The following RNF125 variants were observed in gnomAD, a reference collection of about 807,000 sequenced individuals.
The protein encoded by RNF125 is ring finger protein 125.
RNF125 carries 21 observed loss-of-function variants against 26.0 expected under a neutral mutation model. The ratio of observed to expected loss-of-function variants is 0.81; its 90% CI spans 0.57 to 1.16. The LOEUF (loss-of-function observed/expected upper bound fraction) is 1.16, where lower values mean the gene tolerates loss of function less well. RNF125 is among the 50% of genes most tolerant of loss of function. RNF125 has a pLI of 0.00. For synonymous variants in RNF125, 95 were observed against 109.2 expected (o/e 0.87, Z 0.81); for missense variants, 270 against 299.4 (o/e 0.90, Z 0.72).
At chr18:32,040,735 G>GTA (rs1248742482) in intron 2 of RNF125, among the ~76,000 whole-genome samples, 1 of 152,182 alleles carries the variant, frequency 6.6e-6, no homozygotes, top group Non-Finnish European at 1.5e-5. Context: ...TCATTTGTCA[G>GTA]TAGATAGTCC....
At chr18:32,064,309 G>A (rs1229089117) in intron 4 of RNF125, among the ~76,000 whole-genome samples, 1 of 151,762 alleles carries the variant, frequency 6.6e-6, no homozygotes, top group African/African-American at 2.4e-5. Context: ...TGAGATTTGG[G>A]CGGGGACAAA....
chr18:32,053,042 A>G (rs1318726743), intron 4 of RNF125, among the ~76,000 whole-genome samples: 1 of 152,218 alleles, frequency 6.6e-6, no homozygotes, highest in Non-Finnish European at 1.5e-5. Flanking sequence ...AGACTTTAGA[A>G]ATGGAATTCA....
At chr18:32,090,252 A>T in the RNF125 span, among the ~76,000 whole-genome samples, 1 of 152,222 alleles carries the variant, frequency 6.6e-6, no homozygotes, top group East Asian at 1.9e-4. Context: ...TCTCAAAAGA[A>T]AAAAGAAAAA....
At chr18:32,048,448 A>AAAC (rs1354802756) in intron 4 of RNF125, among the ~76,000 whole-genome samples, 3 of 122,322 alleles carry the variant, frequency 2.5e-5, no homozygotes, top group Non-Finnish European at 5.5e-5. Context: ...AAAAAAACCC[A>AAAC]AAAAAACCTG....
In RNF125 at chr18:32,048,382, C is replaced by T. The variant is rs424146; in HGVS notation, c.504+2650C>T. On this transcript the variant is annotated intron_variant, in intron 4 of 5. Coordinates refer to ENST00000217740, the MANE Select transcript of RNF125 (RefSeq NM_017831.4). The stretch of plus-strand genomic sequence containing the variant: ...CGGAGGTTGCAGTGAGCTGAGATCA[C>T]GCCATTGCACTCCAGCATGGGCAAC... 2.9e-3 allele frequency among the ~76,000 whole-genome samples: 437 copies of T among 151,476 alleles called. 2 individuals are homozygous for T. Among genetic ancestry groups the T allele is most frequent in the Middle Eastern group, 0.014 (4 of 294 alleles).
At chr18:32,042,726 C>G (rs2039232681) in intron 3 of RNF125, among the ~76,000 whole-genome samples, 1 of 150,452 alleles carries the variant, frequency 6.6e-6, no homozygotes. Flanking sequence ...TACAAGAGAA[C>G]AGGCTGGGCA....
intron 2 of RNF125, among the ~76,000 whole-genome samples, chr18:32,040,150 T>G (rs2039201583): frequency 6.6e-6 from 1 of 152,080 alleles, no homozygotes; most frequent in Non-Finnish European, 1.5e-5. Context: ...CCCCATTCCT[T>G]CTACGCACAT....
At chr18:32,033,319 A>G (rs542763874) in intron 1 of RNF125, among the ~76,000 whole-genome samples, 1 of 152,246 alleles carries the variant, frequency 6.6e-6, no homozygotes, top group African/African-American at 2.4e-5. Context: ...CAAAACTAGA[A>G]GGGAACACCA....
chr18:32,079,667 G>A, the RNF125 span, among the ~76,000 whole-genome samples: 2 of 152,162 alleles, frequency 1.3e-5, no homozygotes, highest in East Asian at 1.9e-4. Flanking sequence ...GCTTACACAA[G>A]ATGTTCTTAA....
intron 4 of RNF125, among the ~76,000 whole-genome samples, chr18:32,048,282 C>T (rs411794): frequency 0.4 from 59,901 of 147,980 alleles, 12,092 homozygotes; most frequent in South Asian, 0.44. Flanking sequence ...AAAAATTAGC[C>T]GGGTGTGGTG....
chr18:32,025,664 C>CAAAA (rs34054474), intron 1 of RNF125, among the ~76,000 whole-genome samples: 10 of 65,148 alleles, frequency 1.5e-4, no homozygotes, highest in Non-Finnish European at 2.6e-4. Context: ...AACTCTGTCT[C>CAAAA]AAAAAAAAAA....
At chr18:32,037,935 C>G (rs754506882) in intron 2 of RNF125, among the ~76,000 whole-genome samples, 1 of 152,068 alleles carries the variant, frequency 6.6e-6, no homozygotes, top group Non-Finnish European at 1.5e-5. Context: ...AGCTGGCCAC[C>G]CCAGCTAGCA....
rs1323313173 is a variant in RNF125, at chr18:32,018,978, G to A, written c.115G>A (p.Val39Met). ...ELPVTSFDCAVCLEVLHQPVR... is the reference protein window; with the variant it reads ...ELPVTSFDCAMCLEVLHQPVR... Reference sequence around the variant, plus strand: ...GCCCGTCACGTCCTTCGACTGCGCCGTGTGCCTTGAGGTGTTACACCAGCC... The same window carrying A: ...GCCCGTCACGTCCTTCGACTGCGCCATGTGCCTTGAGGTGTTACACCAGCC... Residue 39 changes from valine (V) to methionine (M), a missense_variant, in exon 1 of 6, where the codon GTG becomes ATG. Physicochemically the swap from Val to Met is conservative, Grantham distance 21 (BLOSUM62 1). Transcript: ENST00000217740. 6.8e-6 allele frequency: 11 copies of A among 1,613,576 alleles called. No individual in the cohort carries two copies. The highest frequency in any genetic ancestry group is 5.0e-5 in the Admixed American group (3 of 59,970).
intron 5 of RNF125, among the ~76,000 whole-genome samples, 165 bp from the exon 6 acceptor site, chr18:32,068,133 G>T (rs557154887): frequency 7.2e-5 from 11 of 152,248 alleles, no homozygotes; most frequent in African/African-American, 2.6e-4. Flanking sequence ...AAATTCATTA[G>T]CCCCAAAGCA....
In RNF125 at chr18:32,019,060, C is replaced by A. The variant is rs376558869; in HGVS notation, c.164+33C>A. The A allele has an allele frequency of 7.5e-6, 12 of 1,604,840 alleles. No homozygotes were observed. In the South Asian group the frequency reaches 1.1e-4, roughly 15 times the overall value. ...CCAGGGGAGCTCGGTTTGCGCCCAC[C>A]CCTAAGGAGGGCGATGTGGGGAAGC... On this transcript the variant is annotated intron_variant, in intron 1 of 5. Coordinates refer to ENST00000217740, the MANE Select transcript of RNF125 (RefSeq NM_017831.4).
chr18:32,085,385 G>C, the RNF125 span, among the ~76,000 whole-genome samples: 2 of 140,442 alleles, frequency 1.4e-5, no homozygotes, highest in Admixed American at 6.8e-5. Context: ...GAGAGAGAGA[G>C]AGAGAGAGAG....
At chr18:32,025,895 T>C (rs889147377) in intron 1 of RNF125, among the ~76,000 whole-genome samples, 2 of 151,814 alleles carry the variant, frequency 1.3e-5, no homozygotes, top group African/African-American at 2.4e-5. Context: ...GGGGAGATTT[T>C]AAGCTTTCAA....
At chr18:32,065,657 C>T (rs1040734294) in intron 4 of RNF125, among the ~76,000 whole-genome samples, 12 of 151,856 alleles carry the variant, frequency 7.9e-5, no homozygotes, top group South Asian at 4.1e-4. Context: ...CTCAGTCTCC[C>T]GAGTAGCTGG....
At chr18:32,051,616 A>T (rs1259801113) in intron 4 of RNF125, among the ~76,000 whole-genome samples, 4 of 49,704 alleles carry the variant, frequency 8.0e-5, no homozygotes, top group Non-Finnish European at 1.9e-4. Context: ...ACTCAGTCTT[A>T]AAAAAAAAAA....
Sources: gnomAD v4.1 joint callset for allele counts (sites outside exome capture counted in the v4.1 genomes callset) on GRCh38, gnomAD v4.1.1 for gene constraint, MANE v1.5 for transcripts, NCBI Gene and HGNC (gene_info 2026-07-23, HGNC 2026-07-21) for gene names.